The following MOB3B variants were observed in gnomAD, a reference collection of about 807,000 sequenced individuals.
The protein encoded by MOB3B is MOB kinase activator-like 2B.
MOB3B carries 7 observed loss-of-function variants against 18.7 expected under a neutral mutation model. That is an observed-to-expected ratio of 0.37 (90% CI 0.21 to 0.70). The LOEUF (loss-of-function observed/expected upper bound fraction) is 0.70. Among genes scored for constraint, MOB3B ranks in the 30% least tolerant of loss-of-function variants. The pLI, the probability that MOB3B is intolerant of heterozygous loss-of-function variation, is 0.52. For synonymous variants in MOB3B, 111 were observed against 99.9 expected, an observed-to-expected ratio of 1.11 and a Z score of -0.66; for missense variants, 253 against 281.3, an observed-to-expected ratio of 0.90 and a Z score of 0.72.
intron 2 of MOB3B, among the ~76,000 whole-genome samples, chr9:27,390,836 C>T (rs922803411): frequency 6.6e-6 from 1 of 152,054 alleles, no homozygotes; most frequent in African/African-American, 2.4e-5. Flanking sequence ...GAGCAGAGCC[C>T]TCACGAATGG....
chr9:27,504,037 C>T (rs1417384208), intron 1 of MOB3B, among the ~76,000 whole-genome samples: 3 of 152,244 alleles, frequency 2.0e-5, no homozygotes, highest in African/African-American at 4.8e-5. Context: ...CTCCTACTTG[C>T]AAATCACAGG....
intron 2 of MOB3B, among the ~76,000 whole-genome samples, chr9:27,435,726 A>C (rs1400832746): frequency 6.6e-6 from 1 of 152,018 alleles, no homozygotes; most frequent in Non-Finnish European, 1.5e-5. Flanking sequence ...CAGCCTCCCC[A>C]GTAGCTGAAA....
chr9:27,515,669 T>C (rs1178756822), intron 1 of MOB3B, among the ~76,000 whole-genome samples: 1 of 152,198 alleles, frequency 6.6e-6, no homozygotes, highest in East Asian at 1.9e-4. Flanking sequence ...GCACTAACAC[T>C]ATCTACTCAT....
At position 27,326,503 on chromosome 9, in the gene MOB3B, T is replaced by A; in HGVS notation, c.*4084A>T. 2.5e-6 allele frequency: 1 copy of A among 398,606 alleles called. No individual in the cohort carries two copies. Among genetic ancestry groups the A allele is most frequent in the Non-Finnish European group, 4.4e-6 (1 of 226,042 alleles). 24.7% of individuals were successfully genotyped at this position (398,606 alleles called of 1,614,324 possible). A position where few individuals can be genotyped will look rare whatever the true frequency, so the allele number is the denominator to read the frequency against. On this transcript the variant is annotated 3_prime_UTR_variant, in exon 4 of 4. Transcript: ENST00000262244. Reference sequence around the variant, plus strand: ...AGCTCGAGTTGAATGGAATTCAAGATGTTGTGGAGGGTTCAGTGGGTTGGT... The same window carrying A: ...AGCTCGAGTTGAATGGAATTCAAGAAGTTGTGGAGGGTTCAGTGGGTTGGT...
At chr9:27,526,901 G>T (rs1820445128) in intron 1 of MOB3B, among the ~76,000 whole-genome samples, 2 of 152,176 alleles carry the variant, frequency 1.3e-5, no homozygotes, top group Admixed American at 1.3e-4. Flanking sequence ...GAGCCTTTGT[G>T]CATTACTGGG....
chr9:27,358,093 G>A (rs2131355334), intron 3 of MOB3B, among the ~76,000 whole-genome samples: 1 of 151,888 alleles, frequency 6.6e-6, no homozygotes, highest in South Asian at 2.1e-4. Context: ...TAAAACCTGT[G>A]TTTTAAAATA....
At chr9:27,477,180 T>C (rs1192291424) in intron 1 of MOB3B, among the ~76,000 whole-genome samples, 1 of 152,206 alleles carries the variant, frequency 6.6e-6, no homozygotes, top group African/African-American at 2.4e-5. Context: ...GAGCCCCACA[T>C]TTTCATTGTT....
intron 3 of MOB3B, among the ~76,000 whole-genome samples, chr9:27,336,125 C>A (rs550319399): frequency 6.0e-4 from 92 of 152,304 alleles, no homozygotes; most frequent in African/African-American, 2.1e-3. Context: ...CTAGGCATTA[C>A]TTTTTCTAAT....
chr9:27,347,309 A>T (rs1821041899), intron 3 of MOB3B, among the ~76,000 whole-genome samples: 1 of 152,220 alleles, frequency 6.6e-6, no homozygotes, highest in African/African-American at 2.4e-5. Context: ...GATCTTGGCT[A>T]TGCCTTTTTA....
chr9:27,451,962 A>C (rs765709), intron 2 of MOB3B, among the ~76,000 whole-genome samples: 12,450 of 152,302 alleles, frequency 0.082, 665 homozygotes, highest in Non-Finnish European at 0.12. Context: ...AGAGGTGAGC[A>C]GGAGGTTGAA....
intron 2 of MOB3B, among the ~76,000 whole-genome samples, chr9:27,414,886 T>C (rs1822122729): frequency 6.6e-6 from 1 of 152,156 alleles, no homozygotes; most frequent in African/African-American, 2.4e-5. Flanking sequence ...ATTTTTTTTT[T>C]TGAGACGCTC....
intron 2 of MOB3B, among the ~76,000 whole-genome samples, chr9:27,413,136 G>A (rs1822097966): frequency 6.6e-6 from 1 of 152,220 alleles, no homozygotes; most frequent in African/African-American, 2.4e-5. Flanking sequence ...AGTGGGAGAA[G>A]AAGGAAGTTG....
intron 1 of MOB3B, among the ~76,000 whole-genome samples, chr9:27,475,749 T>A (rs1819544386): frequency 6.6e-6 from 1 of 152,236 alleles, no homozygotes; most frequent in Non-Finnish European, 1.5e-5. Flanking sequence ...CTAGTTGCTC[T>A]GTCTAATCAA....
chr9:27,395,614 A>C (rs1358116429), intron 2 of MOB3B, among the ~76,000 whole-genome samples: 2 of 152,184 alleles, frequency 1.3e-5, no homozygotes, highest in Non-Finnish European at 2.9e-5. Flanking sequence ...TTCAATCCTT[A>C]AATACTGCAA....
intron 3 of MOB3B, among the ~76,000 whole-genome samples, chr9:27,330,859 C>CT (rs1365106636): frequency 6.6e-6 from 1 of 151,936 alleles, no homozygotes; most frequent in Non-Finnish European, 1.5e-5. Flanking sequence ...TGCTTGCTTG[C>CT]TTTTTCTGAG....
chr9:27,480,616 T>G (rs1036625311), intron 1 of MOB3B, among the ~76,000 whole-genome samples: 20 of 152,048 alleles, frequency 1.3e-4, no homozygotes, highest in African/African-American at 4.8e-4. Flanking sequence ...AATTTTTGTA[T>G]TTTTAGTAGA....
intron 1 of MOB3B, among the ~76,000 whole-genome samples, chr9:27,488,454 C>T (rs1819763729): frequency 6.6e-6 from 1 of 152,186 alleles, no homozygotes. Context: ...GTTGCCCAGG[C>T]TGGAGTGCAG....
chr9:27,392,836 C>T (rs994621247), intron 2 of MOB3B, among the ~76,000 whole-genome samples: 1 of 152,154 alleles, frequency 6.6e-6, no homozygotes, highest in African/African-American at 2.4e-5. Context: ...AGATAATCAT[C>T]GTCATGACTA....
chr9:27,524,717 AT>A, intron 1 of MOB3B: 5 of 1,614,030 alleles, frequency 3.1e-6, no homozygotes, highest in Non-Finnish European at 4.2e-6. Flanking sequence ...ACCTGAACCA[AT>A]GCTTGGAGGA....
Sources: gnomAD v4.1 joint callset for allele counts (sites outside exome capture counted in the v4.1 genomes callset) on GRCh38, gnomAD v4.1.1 for gene constraint, MANE v1.5 for transcripts, NCBI Gene and HGNC (gene_info 2026-07-23, HGNC 2026-07-21) for gene names.